Variants in RFX7 observed in about 807,000 individuals in gnomAD.
RFX7 encodes DNA-binding protein RFX7.
A neutral mutation model predicts 111.8 loss-of-function variants in RFX7; 26 were observed. The observed-to-expected ratio is 0.23, with a 90% CI of 0.17 to 0.32. RFX7 has a LOEUF of 0.32. Among genes scored for constraint, RFX7 ranks in the 10% least tolerant of loss-of-function variants. RFX7 has a pLI of 1.00. For missense variants in RFX7, 1,573 were observed against 1,772.9 expected, an observed-to-expected ratio of 0.89 and a Z score of 2.02; for synonymous variants, 624 against 624.4, an observed-to-expected ratio of 1.00 and a Z score of 0.01.
At chr15:56,097,746 C>CAAAAAAAAAAAAAAAAAAAA (rs67718449) in intron 9 of RFX7, among the ~76,000 whole-genome samples, 7 of 47,330 alleles carry the variant, frequency 1.5e-4, no homozygotes, top group Non-Finnish European at 2.0e-4. Context: ...GACTCTGTCT[C>CAAAAAAAAAAAAAAAAAAAA]AAAAAAAAAA....
intron 5 of RFX7, among the ~76,000 whole-genome samples, chr15:56,141,728 G>A (rs1363483756): frequency 7.0e-6 from 1 of 143,860 alleles, no homozygotes; most frequent in Non-Finnish European, 1.5e-5. Context: ...ATTGTATCCT[G>A]AGAACTTATC....
At chr15:56,125,839 T>C (rs1173467038) in intron 5 of RFX7, among the ~76,000 whole-genome samples, 1 of 152,202 alleles carries the variant, frequency 6.6e-6, no homozygotes, top group African/African-American at 2.4e-5. Flanking sequence ...CTCAAATTTA[T>C]ATACATATAG....
chr15:56,239,657 G>C (rs2043664760), intron 2 of RFX7, among the ~76,000 whole-genome samples: 1 of 152,110 alleles, frequency 6.6e-6, no homozygotes, highest in South Asian at 2.1e-4. Flanking sequence ...TGGGATTTTG[G>C]AGTGTTTCAG....
At chr15:56,194,619 AT>A (rs2043130278) in intron 2 of RFX7, among the ~76,000 whole-genome samples, 1 of 152,084 alleles carries the variant, frequency 6.6e-6, no homozygotes, top group South Asian at 2.1e-4. Flanking sequence ...ATAAAACAAA[AT>A]TTTTTATATT....
intron 2 of RFX7, among the ~76,000 whole-genome samples, chr15:56,198,438 G>A (rs1196282496): frequency 3.9e-5 from 6 of 152,054 alleles, no homozygotes; most frequent in Admixed American, 6.5e-5. Context: ...ATGTAAGTAC[G>A]CAACACCACC....
chr15:56,132,689 C>G (rs999261473), intron 5 of RFX7, among the ~76,000 whole-genome samples: 8 of 151,942 alleles, frequency 5.3e-5, no homozygotes, highest in African/African-American at 1.9e-4. Flanking sequence ...ACAGATCAGA[C>G]TACTTATTTA....
In RFX7 at chr15:56,165,377, T is replaced by C. The variant is rs1338679931; in HGVS notation, c.195+13893A>G. Among the ~76,000 whole-genome samples the C allele has an allele frequency of 1.1e-4, 17 of 152,220 alleles. 1 individual carries two copies. Among genetic ancestry groups the C allele is most frequent in the Admixed American group, 8.5e-4 (13 of 15,282 alleles). ...CTCCCCTGGAAGGAACCTGACTCACTACACAATTATCTAAATGATGGCATC... is the reference window on the plus strand; with the variant it reads ...CTCCCCTGGAAGGAACCTGACTCACCACACAATTATCTAAATGATGGCATC... On this transcript the variant is annotated intron_variant, in intron 3 of 9. Transcript: ENST00000559447.
intron 1 of RFX7, 77 bp from the exon 2 acceptor site, chr15:56,243,364 C>A: frequency 8.7e-5 from 49 of 563,306 alleles, no homozygotes; most frequent in South Asian, 7.2e-4. Flanking sequence ...GAGGGGAGGA[C>A]GAAGGGGGGA....
intron 2 of RFX7, among the ~76,000 whole-genome samples, chr15:56,235,417 G>A (rs566576432): frequency 2.9e-4 from 44 of 152,018 alleles, no homozygotes; most frequent in African/African-American, 8.2e-4. Context: ...CTCATGATCC[G>A]CCCACCTCGG....
intron 3 of RFX7, among the ~76,000 whole-genome samples, chr15:56,162,642 G>GA (rs140537968): frequency 0.21 from 29,823 of 145,102 alleles, 3,332 homozygotes; most frequent in East Asian, 0.45. Flanking sequence ...TAACAGGAGA[G>GA]AAAAAAAAAA....
intron 8 of RFX7, among the ~76,000 whole-genome samples, chr15:56,100,939 T>A (rs891151768): frequency 6.6e-6 from 1 of 152,306 alleles, no homozygotes; most frequent in Admixed American, 6.5e-5. Context: ...ATTTTATTTA[T>A]AAGCATTAGT....
At chr15:56,101,230 G>T in intron 8 of RFX7, 129 bp downstream of exon 8, 1 of 700,948 alleles carries the variant, frequency 1.4e-6, no homozygotes, top group Non-Finnish European at 2.4e-6. Context: ...TTAGTGTTAA[G>T]CGGAGTAAGA....
chr15:56,134,598 T>C (rs1421718522), intron 5 of RFX7, among the ~76,000 whole-genome samples: 2 of 21,478 alleles, frequency 9.3e-5, no homozygotes, highest in African/African-American at 2.2e-4. Flanking sequence ...ATCACTTTCT[T>C]TTTTTTTTTT....
chr15:56,178,212 A>C (rs1417592647), intron 3 of RFX7, among the ~76,000 whole-genome samples: 2 of 148,478 alleles, frequency 1.3e-5, no homozygotes, highest in Admixed American at 6.7e-5. Flanking sequence ...CACACACACA[A>C]CAAAAAGAAG....
intron 5 of RFX7, among the ~76,000 whole-genome samples, chr15:56,115,006 TTTTTTA>T (rs1474990023): frequency 6.4e-4 from 98 of 152,264 alleles, no homozygotes; most frequent in Middle Eastern, 6.8e-3. Context: ...TGACTATTCT[TTTTTTA>T]TTTTTATTTT....
intron 5 of RFX7, among the ~76,000 whole-genome samples, chr15:56,117,307 T>C (rs1456239512): frequency 6.6e-6 from 1 of 151,984 alleles, no homozygotes; most frequent in Admixed American, 6.6e-5. Flanking sequence ...ATATGGGTGT[T>C]AGGGTGGGTG....
At chr15:56,229,665 T>C (rs1486918809) in intron 2 of RFX7, among the ~76,000 whole-genome samples, 6 of 152,208 alleles carry the variant, frequency 3.9e-5, no homozygotes, top group Admixed American at 1.3e-4. Flanking sequence ...GTTTCTGTTA[T>C]AGCAATTCTG....
chr15:56,243,072 G>C, intron 2 of RFX7, 53 bp downstream of exon 2: 2 of 579,762 alleles, frequency 3.4e-6, no homozygotes, highest in Admixed American at 2.7e-5. Flanking sequence ...CACCCACTTT[G>C]CAGCAGAAAT....
At chr15:56,181,355 A>G (rs1374001195) in intron 2 of RFX7, among the ~76,000 whole-genome samples, 4 of 152,128 alleles carry the variant, frequency 2.6e-5, no homozygotes. Flanking sequence ...ACTTCCCCAT[A>G]TAAAATACTC....
Sources: gnomAD v4.1 joint callset for allele counts (sites outside exome capture counted in the v4.1 genomes callset) on GRCh38, gnomAD v4.1.1 for gene constraint, MANE v1.5 for transcripts, NCBI Gene and HGNC (gene_info 2026-07-23, HGNC 2026-07-21) for gene names.